Variants in RBMS3 observed in about 807,000 individuals in gnomAD.
The protein encoded by RBMS3 is RNA-binding motif, single-stranded-interacting protein 3.
RBMS3 carries 27 observed loss-of-function variants against 66.8 expected under a neutral mutation model. That is an observed-to-expected ratio of 0.40 (90% CI 0.30 to 0.56). The LOEUF (loss-of-function observed/expected upper bound fraction) is 0.56. RBMS3 is among the 20% of genes least tolerant of loss of function. The pLI, the probability that RBMS3 is intolerant of heterozygous loss-of-function variation, is 0.40. For missense variants in RBMS3, 513 were observed against 549.5 expected (o/e 0.93, Z 0.66); for synonymous variants, 188 against 183.0 (o/e 1.03, Z -0.22).
intron 4 of RBMS3, among the ~76,000 whole-genome samples, chr3:29,714,887 T>A (rs9834021): frequency 3.3e-5 from 5 of 151,788 alleles, no homozygotes; most frequent in African/African-American, 1.2e-4. Flanking sequence ...GACCTTGAGG[T>A]GAATCTTTTT....
intron 4 of RBMS3, among the ~76,000 whole-genome samples, chr3:29,733,802 C>T (rs1001388725): frequency 1.3e-5 from 2 of 151,968 alleles, no homozygotes; most frequent in African/African-American, 4.8e-5. Flanking sequence ...GAAGTCTTAT[C>T]CACAAAAAAT....
At chr3:29,370,774 C>T (rs950381729) in intron 1 of RBMS3, among the ~76,000 whole-genome samples, 1 of 152,174 alleles carries the variant, frequency 6.6e-6, no homozygotes, top group Non-Finnish European at 1.5e-5. Flanking sequence ...ATACAAGAAA[C>T]AATCCATAGT....
chr3:29,419,514 C>T (rs1276332093), intron 1 of RBMS3, among the ~76,000 whole-genome samples: 3 of 152,044 alleles, frequency 2.0e-5, no homozygotes, highest in Admixed American at 6.6e-5. Flanking sequence ...AATTAGATCT[C>T]TTCTTCAAGT....
chr3:29,868,409 T>G (rs1221013066), intron 6 of RBMS3, among the ~76,000 whole-genome samples: 2 of 152,188 alleles, frequency 1.3e-5, no homozygotes, highest in Non-Finnish European at 2.9e-5. Flanking sequence ...CTAATTTGAT[T>G]GCAGTTAGCA....
chr3:29,854,038 A>G (rs1053323977), intron 6 of RBMS3, among the ~76,000 whole-genome samples: 4 of 152,018 alleles, frequency 2.6e-5, no homozygotes, highest in African/African-American at 9.7e-5. Flanking sequence ...TTGTTTTTTG[A>G]AAGTGTCAAA....
chr3:29,937,356 T>C (rs1439900530), intron 11 of RBMS3, among the ~76,000 whole-genome samples: 1 of 152,046 alleles, frequency 6.6e-6, no homozygotes, highest in Non-Finnish European at 1.5e-5. Flanking sequence ...CTATGTACAA[T>C]ATGCACACTA....
At chr3:29,303,003 A>C (rs533223428) in intron 1 of RBMS3, among the ~76,000 whole-genome samples, 1 of 152,126 alleles carries the variant, frequency 6.6e-6, no homozygotes, top group East Asian at 1.9e-4. Context: ...TGCCTCCAGG[A>C]TTCTAATGAT....
intron 6 of RBMS3, among the ~76,000 whole-genome samples, chr3:29,851,706 G>A (rs2058939392): frequency 6.6e-6 from 1 of 151,916 alleles, no homozygotes; most frequent in South Asian, 2.1e-4. Flanking sequence ...TACCAAGCAG[G>A]GCCACATTCT....
At chr3:29,992,344 T>C (rs1034282451) in intron 14 of RBMS3, among the ~76,000 whole-genome samples, 8 of 152,176 alleles carry the variant, frequency 5.3e-5, no homozygotes, top group African/African-American at 1.2e-4. Context: ...CCCAGCACTA[T>C]GGGAGGCCGA....
intron 1 of RBMS3, among the ~76,000 whole-genome samples, chr3:29,350,061 G>A (rs1384057658): frequency 6.6e-6 from 1 of 151,820 alleles, no homozygotes; most frequent in Non-Finnish European, 1.5e-5. Flanking sequence ...TCGGGCGGCT[G>A]AGGCAAGAGA....
chr3:29,530,785 T>C (rs2045324162), intron 3 of RBMS3, among the ~76,000 whole-genome samples: 2 of 151,558 alleles, frequency 1.3e-5, no homozygotes, highest in Non-Finnish European at 2.9e-5. Flanking sequence ...GGCAGGAGAA[T>C]TGCCTGAACC....
intron 3 of RBMS3, among the ~76,000 whole-genome samples, chr3:29,569,190 C>A (rs761398953): frequency 6.6e-6 from 1 of 152,062 alleles, no homozygotes; most frequent in Non-Finnish European, 1.5e-5. Context: ...GTAGTTGGGA[C>A]AATTATATAA....
At chr3:29,865,192 G>T (rs757959175) in intron 6 of RBMS3, among the ~76,000 whole-genome samples, 23 of 152,192 alleles carry the variant, frequency 1.5e-4, no homozygotes, top group Non-Finnish European at 2.6e-4. Flanking sequence ...AACCCAGGAA[G>T]CTGGCACCCT....
chr3:29,543,698 A>T (rs1332126284), intron 3 of RBMS3, among the ~76,000 whole-genome samples: 1 of 152,174 alleles, frequency 6.6e-6, no homozygotes, highest in Admixed American at 6.5e-5. Flanking sequence ...TGACAGAGAG[A>T]GACTCTGTCT....
intron 12 of RBMS3, among the ~76,000 whole-genome samples, chr3:29,946,464 G>A (rs2149707988): frequency 6.6e-6 from 1 of 151,730 alleles, no homozygotes; most frequent in Middle Eastern, 3.4e-3. Context: ...AACAACTTCT[G>A]AGTGGTAGAC....
intron 4 of RBMS3, among the ~76,000 whole-genome samples, chr3:29,673,930 G>A (rs554061146): frequency 6.6e-6 from 1 of 152,180 alleles, no homozygotes; most frequent in African/African-American, 2.4e-5. Context: ...TGATACCAAA[G>A]CCTGGCAGAG....
chr3:29,282,137 C>T (rs751799660), intron 1 of RBMS3, among the ~76,000 whole-genome samples: 1 of 152,008 alleles, frequency 6.6e-6, no homozygotes, highest in African/African-American at 2.4e-5. Flanking sequence ...GTGAGCTGTT[C>T]TTTGATTGTG....
chr3:29,884,324 A>G, intron 8 of RBMS3, 116 bp downstream of exon 8: 4 of 930,598 alleles, frequency 4.3e-6, no homozygotes, highest in Non-Finnish European at 6.5e-6. Context: ...TTAAACACAA[A>G]GTTTAAACCA....
intron 6 of RBMS3, among the ~76,000 whole-genome samples, chr3:29,783,137 C>A (rs969264260): frequency 6.6e-6 from 1 of 152,092 alleles, no homozygotes; most frequent in Non-Finnish European, 1.5e-5. Context: ...AGGGAATAAT[C>A]CAGGAAAACT....
Sources: allele counts gnomAD v4.1 joint callset (sites outside exome capture counted in the v4.1 genomes callset), GRCh38; gene constraint gnomAD v4.1.1; transcripts MANE v1.5; gene names NCBI Gene and HGNC (gene_info 2026-07-23, HGNC 2026-07-21).